TBCEL: variants seen among roughly 807,000 people sequenced by gnomAD.
TBCEL encodes tubulin folding cofactor E like.
Under a neutral mutation model 44.2 loss-of-function variants are expected in TBCEL, and 15 were observed. The observed-to-expected ratio is 0.34, with a 90% confidence interval of 0.23 to 0.52. The LOEUF (loss-of-function observed/expected upper bound fraction) is 0.52, where lower values mean the gene tolerates loss of function less well. Among genes scored for constraint, TBCEL ranks in the 20% least tolerant of loss-of-function variants. TBCEL has a pLI of 0.95. For synonymous variants in TBCEL, 171 were observed against 185.4 expected, an observed-to-expected ratio of 0.92 and a Z score of 0.63; for missense variants, 319 against 506.3, an observed-to-expected ratio of 0.63 and a Z score of 3.55.
At chr11:121,051,386 T>C (rs1017433190) in intron 4 of TBCEL, among the ~76,000 whole-genome samples, 2 of 151,812 alleles carry the variant, frequency 1.3e-5, no homozygotes, top group Non-Finnish European at 2.9e-5. Flanking sequence ...ATGTTTTGTT[T>C]TTATTTAACT....
chr11:121,041,724 C>T (rs1945336234), intron 2 of TBCEL, among the ~76,000 whole-genome samples: 1 of 151,750 alleles, frequency 6.6e-6, no homozygotes, highest in Admixed American at 6.6e-5. Context: ...TTTTTCCCAC[C>T]TACTGTTCCT....
At chr11:121,045,576 C>G (rs1354030371) in intron 2 of TBCEL, 98 bp from the exon 3 acceptor site, 1 of 955,224 alleles carries the variant, frequency 1.0e-6, no homozygotes, top group Non-Finnish European at 1.5e-6. Context: ...CTTGCAATGC[C>G]TAGTCTAGTA....
At chr11:121,037,442 A>T (rs900341462) in intron 2 of TBCEL, among the ~76,000 whole-genome samples, 1 of 152,228 alleles carries the variant, frequency 6.6e-6, no homozygotes, top group Admixed American at 6.5e-5. Flanking sequence ...ATACTTCAGG[A>T]TAAATGAAAT....
At chr11:121,040,204 C>T (rs1281816124) in intron 2 of TBCEL, among the ~76,000 whole-genome samples, 1 of 152,134 alleles carries the variant, frequency 6.6e-6, no homozygotes, top group East Asian at 1.9e-4. Context: ...ACAGAGAGGC[C>T]TGAATCTCCT....
chr11:121,085,758 G>C (rs187321784), intron 8 of TBCEL, among the ~76,000 whole-genome samples: 1 of 151,844 alleles, frequency 6.6e-6, no homozygotes, highest in Non-Finnish European at 1.5e-5. Context: ...CTTCCCCTTG[G>C]GCTTCCCAAG....
chr11:121,027,739 T>G (rs1023426488), intron 1 of TBCEL, among the ~76,000 whole-genome samples: 8 of 152,202 alleles, frequency 5.3e-5, no homozygotes, highest in African/African-American at 1.9e-4. Flanking sequence ...CTGTACTGCC[T>G]TTGCTATATT....
chr11:121,060,872 A>G (rs976439082), intron 8 of TBCEL, among the ~76,000 whole-genome samples: 4 of 151,990 alleles, frequency 2.6e-5, no homozygotes, highest in Admixed American at 6.6e-5. Context: ...TGTGAGTCAC[A>G]TTAGTTGTTC....
chr11:121,039,292 TC>T (rs1945289482), intron 2 of TBCEL, among the ~76,000 whole-genome samples: 1 of 152,256 alleles, frequency 6.6e-6, no homozygotes, highest in Non-Finnish European at 1.5e-5. Context: ...TCTTTATCTT[TC>T]AAAATGGCTC....
chr11:121,068,655 G>C (rs975617958), intron 8 of TBCEL, among the ~76,000 whole-genome samples: 2 of 151,972 alleles, frequency 1.3e-5, no homozygotes, highest in Non-Finnish European at 2.9e-5. Flanking sequence ...AGGCCAAGGT[G>C]TGCAGATCAT....
intron 1 of TBCEL, among the ~76,000 whole-genome samples, chr11:121,029,019 T>G (rs1591375778): frequency 6.6e-6 from 1 of 152,296 alleles, no homozygotes; most frequent in East Asian, 1.9e-4. Context: ...CCACATATAC[T>G]CTATACTCTA....
At chr11:121,025,840 A>G (rs11218118) in intron 1 of TBCEL, among the ~76,000 whole-genome samples, 27,051 of 151,938 alleles carry the variant, frequency 0.18, 2,489 homozygotes, top group East Asian at 0.32. Flanking sequence ...CTGAAGGACC[A>G]TAATCTTGAT....
Position 121,086,978 on chromosome 11 carries a change from A to G in TBCEL, c.1157A>G (p.Tyr386Cys). The G allele has an allele frequency of 6.2e-7, 1 of 1,614,078 alleles. No individual in the cohort carries two copies. Among genetic ancestry groups the G allele is most frequent in the Middle Eastern group, 1.6e-4 (1 of 6,062 alleles). The change falls in exon 9 of 9, where the codon TAC (tyrosine) becomes TGC (cysteine). Residue 386 changes from tyrosine (Y) to cysteine (C), a missense_variant. Tyr to Cys is a radical substitution (Grantham distance 194). Coordinates refer to ENST00000683345, the MANE Select transcript of TBCEL (RefSeq NM_001363644.2). ...VQLPTSNMLL[Y>C]YFDHEAPFGP... is the part of the protein sequence containing the mutation. ...TTACCCACAAGCAACATGCTTCTCT[A>G]CTATTTTGACCATGAAGCACCCTTT...
rs1946234205 is a variant in TBCEL at position 121,087,331 on chromosome 11, GC to G, written c.*238del. ...AATTGGCCACATTTCCAGTGTATGT[GC>G]CCTCTCTAAGGAAAGATGACAAAGA... On this transcript the variant is annotated 3_prime_UTR_variant, in exon 9 of 9. Coordinates refer to ENST00000683345, the MANE Select transcript of TBCEL (RefSeq NM_001363644.2). 2.0e-6 allele frequency: 1 copy of G among 506,248 alleles called. No individual in the cohort carries two copies. The highest frequency in any genetic ancestry group is 1.9e-5 in the African/African-American group (1 of 51,970). 31.4% of individuals were successfully genotyped at this position (506,248 alleles called of 1,614,324 possible).
chr11:121,073,073 A>G (rs986386881), intron 8 of TBCEL, among the ~76,000 whole-genome samples: 20 of 152,180 alleles, frequency 1.3e-4, no homozygotes, highest in Admixed American at 2.0e-4. Context: ...TTAATTCCCA[A>G]TAACAGTAAG....
At chr11:121,071,050 G>T (rs1057254845) in intron 8 of TBCEL, among the ~76,000 whole-genome samples, 1 of 152,100 alleles carries the variant, frequency 6.6e-6, no homozygotes, top group African/African-American at 2.4e-5. Context: ...TTCTCTGAGG[G>T]TATAGAAATA....
In TBCEL at chr11:121,058,399, A is replaced by G; in HGVS notation, c.767A>G (p.Glu256Gly). ...CTAAATTCATTTCCCAAACTGGAAGAAGTGAGATTGTTAGGAATTCCTCTT... is the reference window on the plus strand; with the variant it reads ...CTAAATTCATTTCCCAAACTGGAAGGAGTGAGATTGTTAGGAATTCCTCTT... ...DKLNSFPKLE[E>G]VRLLGIPLLQ... Residue 256 changes from glutamate (E) to glycine (G), a missense_variant, in exon 7 of 9, where the codon GAA becomes GGA. Coordinates refer to ENST00000683345, the MANE Select transcript of TBCEL (RefSeq NM_001363644.2). 6.2e-7 allele frequency: 1 copy of G among 1,612,054 alleles called. No individual in the cohort carries two copies. The highest frequency in any genetic ancestry group is 8.5e-7 in the Non-Finnish European group (1 of 1,178,492).
intron 8 of TBCEL, among the ~76,000 whole-genome samples, 171 bp downstream of exon 8, chr11:121,060,256 C>T (rs942971770): frequency 6.6e-6 from 1 of 151,868 alleles, no homozygotes; most frequent in African/African-American, 2.4e-5. Context: ...TCTCATTTTC[C>T]ACAGTATATT....
chr11:121,069,689 G>A (rs1945888703), intron 8 of TBCEL, among the ~76,000 whole-genome samples: 1 of 152,232 alleles, frequency 6.6e-6, no homozygotes, highest in African/African-American at 2.4e-5. Flanking sequence ...CTACTGGAGA[G>A]ACTGAGGCAG....
At chr11:121,064,936 C>T (rs1005156107) in intron 8 of TBCEL, among the ~76,000 whole-genome samples, 1 of 152,108 alleles carries the variant, frequency 6.6e-6, no homozygotes, top group African/African-American at 2.4e-5. Context: ...ACACCATTCT[C>T]CTGCTCAGCC....
Sources: gnomAD v4.1 joint callset for allele counts (sites outside exome capture counted in the v4.1 genomes callset) on GRCh38, gnomAD v4.1.1 for gene constraint, MANE v1.5 for transcripts, NCBI Gene and HGNC (gene_info 2026-07-23, HGNC 2026-07-21) for gene names.